Variants in NLRP2 observed in about 807,000 individuals in gnomAD.
NLRP2 encodes NLR family pyrin domain containing 2.
Under a neutral mutation model 97.2 loss-of-function variants are expected in NLRP2, and 107 were observed. The observed-to-expected ratio is 1.10, with a 90% CI of 0.94 to 1.29. NLRP2 has a LOEUF of 1.29. NLRP2 is among the 50% of genes most tolerant of loss of function. NLRP2 has a pLI of 0.00. For synonymous variants in NLRP2, 663 were observed against 551.5 expected (o/e 1.20, Z -2.83); for missense variants, 1,495 against 1,330.3 (o/e 1.12, Z -1.93).
At position 54,997,241 on chromosome 19, in the gene NLRP2, G is replaced by A. The variant is rs188624795; in HGVS notation, c.2880-76G>A. 2.8e-4 allele frequency: 408 copies of A among 1,464,078 alleles called. 2 individuals are homozygous for A. In the African/African-American group the frequency reaches 5.0e-3, roughly 18 times the overall value. 90.7% of individuals were successfully genotyped at this position (1,464,078 alleles called of 1,614,324 possible). ...TTGGTCATGCAGATCCCCAACACACGAGGGTGGGCTTGGCTTGCCGGAGGG... is the reference window on the plus strand; with the variant it reads ...TTGGTCATGCAGATCCCCAACACACAAGGGTGGGCTTGGCTTGCCGGAGGG... On this transcript the variant is annotated intron_variant, in intron 11 of 12. Coordinates refer to ENST00000448584, the MANE Select transcript of NLRP2 (RefSeq NM_017852.5).
intron 2 of NLRP2, 139 bp downstream of exon 2, chr19:54,970,434 T>C: frequency 2.2e-6 from 2 of 923,010 alleles, no homozygotes; most frequent in Non-Finnish European, 3.4e-6. Flanking sequence ...TTGGACCACC[T>C]GAGGGTCAGG....
At chr19:54,981,151 C>A (rs898346703) in intron 4 of NLRP2, among the ~76,000 whole-genome samples, 1 of 152,060 alleles carries the variant, frequency 6.6e-6, no homozygotes, top group African/African-American at 2.4e-5. Flanking sequence ...TTTGTATGCC[C>A]TGAACCATGG....
At chr19:54,984,329 G>GTGTGTTGTTTTTTTTT in intron 6 of NLRP2, among the ~76,000 whole-genome samples, 1 of 79,670 alleles carries the variant, frequency 1.3e-5, no homozygotes, top group African/African-American at 4.6e-5. Flanking sequence ...TTTTTTTTGT[G>GTGTGTTGTTTTTTTTT]TTTTTTTTTT....
intron 1 of NLRP2, among the ~76,000 whole-genome samples, 163 bp from the exon 2 acceptor site, chr19:54,969,836 C>T (rs1477267671): frequency 6.6e-6 from 1 of 152,118 alleles, no homozygotes; most frequent in Non-Finnish European, 1.5e-5. Context: ...ACTTATTTTT[C>T]ATGGAGATGG....
intron 3 of NLRP2, 43 bp from the exon 4 acceptor site, chr19:54,977,709 G>C: frequency 6.2e-7 from 1 of 1,602,202 alleles, no homozygotes; most frequent in Non-Finnish European, 8.5e-7. Context: ...GAGTCCCACT[G>C]CCAGCACAGC....
intron 1 of NLRP2, among the ~76,000 whole-genome samples, chr19:54,967,917 ATTTT>A (rs55659818): frequency 2.4e-5 from 3 of 126,300 alleles, no homozygotes; most frequent in Admixed American, 8.4e-5. Flanking sequence ...TGCTACTGCT[ATTTT>A]TTTTTTTTTT....
intron 3 of NLRP2, among the ~76,000 whole-genome samples, chr19:54,975,101 G>GTTTTTTTT (rs1190231820): frequency 1.2e-4 from 10 of 83,084 alleles, no homozygotes; most frequent in East Asian, 1.1e-3. Flanking sequence ...ACCACACCCG[G>GTTTTTTTT]TTTTGTTTTT....
At chr19:54,988,754 A>G (rs1410596804) in intron 8 of NLRP2, among the ~76,000 whole-genome samples, 1 of 152,140 alleles carries the variant, frequency 6.6e-6, no homozygotes, top group African/African-American at 2.4e-5. Context: ...TCCTGGCCTC[A>G]TGATCCACCT....
chr19:54,966,720 G>C (rs1008072119), intron 1 of NLRP2, among the ~76,000 whole-genome samples: 4 of 148,612 alleles, frequency 2.7e-5, no homozygotes, highest in African/African-American at 5.0e-5. Context: ...TAATTTTTTT[G>C]TATTTTTAGT....
Position 54,997,490 on chromosome 19 carries a change from A to G in NLRP2, c.3050+3A>G, listed in dbSNP as rs1358922572. Reference sequence around the variant, plus strand: ...AGTGGCACCCTCCGGACACTCAGGTATGATCCATTTACTTCCCCATCAGGC... The same window carrying G: ...AGTGGCACCCTCCGGACACTCAGGTGTGATCCATTTACTTCCCCATCAGGC... On this transcript the variant is annotated splice_donor_region_variant and intron_variant, in intron 12 of 12. Coordinates refer to ENST00000448584, the MANE Select transcript of NLRP2 (RefSeq NM_017852.5). 1 of 1,614,140 alleles carries G rather than the reference A, an allele frequency of 6.2e-7. No homozygotes were observed.
chr19:54,979,626 C>T (rs2071448197), intron 4 of NLRP2, among the ~76,000 whole-genome samples: 1 of 152,170 alleles, frequency 6.6e-6, no homozygotes, highest in Admixed American at 6.5e-5. Flanking sequence ...GCTGGGATTA[C>T]AGGCATGAGC....
chr19:54,983,802 C>CCT, intron 6 of NLRP2, 74 bp downstream of exon 6: 2 of 1,582,634 alleles, frequency 1.3e-6, no homozygotes, highest in East Asian at 4.5e-5. Flanking sequence ...GAGGCCAGAG[C>CCT]CTCCTATGCA....
At chr19:54,986,571 T>TTA (rs200493542) in intron 8 of NLRP2, among the ~76,000 whole-genome samples, 17 of 151,424 alleles carry the variant, frequency 1.1e-4, no homozygotes, top group African/African-American at 2.2e-4. Flanking sequence ...TTTTTTTTTT[T>TTA]ATGAAGTCTT....
chr19:54,986,076 C>A, intron 7 of NLRP2, 75 bp from the exon 8 acceptor site: 1 of 947,536 alleles, frequency 1.1e-6, no homozygotes, highest in East Asian at 2.4e-5. Flanking sequence ...TTAAATATAT[C>A]GAGCCCCTGG....
At chr19:54,975,665 G>A (rs1433907649) in intron 3 of NLRP2, among the ~76,000 whole-genome samples, 2 of 151,810 alleles carry the variant, frequency 1.3e-5, no homozygotes, top group Non-Finnish European at 2.9e-5. Context: ...TGTTAGCCAG[G>A]ATGGTCTCGA....
chr19:55,000,659 C>A, intron 12 of NLRP2, 101 bp from the exon 13 acceptor site: 1 of 1,183,110 alleles, frequency 8.5e-7, no homozygotes, highest in Non-Finnish European at 1.3e-6. Context: ...GAAAGGTGAC[C>A]CATGCCCTGT....
At chr19:54,985,694 A>AG (rs1209207715) in intron 7 of NLRP2, among the ~76,000 whole-genome samples, 5 of 135,600 alleles carry the variant, frequency 3.7e-5, no homozygotes, top group African/African-American at 7.4e-5. Flanking sequence ...AAAAAAAAAA[A>AG]AAAAGAAAAA....
At chr19:54,970,335 C>G in intron 2 of NLRP2, 40 bp downstream of exon 2, 2 of 1,610,008 alleles carry the variant, frequency 1.2e-6, no homozygotes, top group South Asian at 1.1e-5. Context: ...TAGGAGGAAG[C>G]AGGCGTCCTC....
intron 4 of NLRP2, among the ~76,000 whole-genome samples, chr19:54,978,512 T>A (rs2071386236): frequency 6.6e-6 from 1 of 152,122 alleles, no homozygotes; most frequent in Non-Finnish European, 1.5e-5. Flanking sequence ...CCCGAAGTGC[T>A]GGGATTACAG....
Sources: gnomAD v4.1 joint callset for allele counts (sites outside exome capture counted in the v4.1 genomes callset) on GRCh38, gnomAD v4.1.1 for gene constraint, MANE v1.5 for transcripts, NCBI Gene and HGNC (gene_info 2026-07-23, HGNC 2026-07-21) for gene names.